COPG2: variants seen among roughly 807,000 people sequenced by gnomAD.
COPG2 encodes the protein coat protein complex I subunit gamma 2.
COPG2 carries 37 observed loss-of-function variants against 46.3 expected under a neutral mutation model. The ratio of observed to expected loss-of-function variants is 0.80; its 90% CI spans 0.61 to 1.05. COPG2 has a LOEUF of 1.05. COPG2 is among the 50% of genes least tolerant of loss of function. The probability of loss-of-function intolerance (pLI) is 0.00; values close to 1 mark genes in which losing one functional copy is unlikely to be tolerated. For synonymous variants in COPG2, 159 were observed against 129.7 expected, an observed-to-expected ratio of 1.23 and a Z score of -1.53; for missense variants, 427 against 387.8, an observed-to-expected ratio of 1.10 and a Z score of -0.85.
intron 9 of COPG2, among the ~76,000 whole-genome samples, chr7:130,566,891 T>A (rs915365893): frequency 6.6e-6 from 1 of 152,146 alleles, no homozygotes; most frequent in African/African-American, 2.4e-5. Context: ...ACAAGGGGCT[T>A]ACAAAATGGT....
intron 5 of COPG2, among the ~76,000 whole-genome samples, chr7:130,631,048 A>C (rs1053502722): frequency 2.6e-5 from 4 of 152,024 alleles, no homozygotes; most frequent in African/African-American, 9.7e-5. Context: ...TTTCCCTTTT[A>C]ATTGAAGTGT....
intron 20 of COPG2, among the ~76,000 whole-genome samples, chr7:130,532,260 C>T (rs953961397): frequency 2.6e-5 from 4 of 152,306 alleles, no homozygotes; most frequent in African/African-American, 2.4e-5. Context: ...GGGTTTCCAA[C>T]GCCTCGGTCC....
intron 20 of COPG2, among the ~76,000 whole-genome samples, chr7:130,518,826 A>C (rs1799700731): frequency 6.6e-6 from 1 of 152,094 alleles, no homozygotes; most frequent in South Asian, 2.1e-4. Context: ...CAACATGGAG[A>C]AACCCCGTCT....
chr7:130,590,447 G>T lies in COPG2; in HGVS notation c.737+20506C>A, dbSNP rs560294863. 4.6e-5 allele frequency among the ~76,000 whole-genome samples: 7 copies of T among 152,300 alleles called. 1 individual carries two copies. The East Asian group carries it at 7.7e-4, about 17-fold the overall frequency. Reference sequence around the variant, plus strand: ...GTTTTCGTATTTTTTTGGTGGAGACGGGGTTTCGCTGTGTTGGCCGGGCTG... The same window carrying T: ...GTTTTCGTATTTTTTTGGTGGAGACTGGGTTTCGCTGTGTTGGCCGGGCTG... On this transcript the variant is annotated intron_variant, in intron 9 of 23. Coordinates refer to ENST00000425248, the MANE Select transcript of COPG2 (RefSeq NM_012133.6).
intron 20 of COPG2, among the ~76,000 whole-genome samples, chr7:130,538,507 T>C (rs1799906225): frequency 2.0e-5 from 3 of 152,026 alleles, no homozygotes; most frequent in Admixed American, 2.0e-4. Flanking sequence ...GGCCAACCCA[T>C]AGGATTACGG....
chr7:130,582,540 T>C (rs1210156398), intron 9 of COPG2, among the ~76,000 whole-genome samples: 3 of 151,574 alleles, frequency 2.0e-5, no homozygotes, highest in South Asian at 2.1e-4. Context: ...CAAAAGAAAC[T>C]ACCATCAGAG....
intron 5 of COPG2, among the ~76,000 whole-genome samples, chr7:130,636,744 T>G (rs1384217199): frequency 6.6e-6 from 1 of 152,192 alleles, no homozygotes; most frequent in African/African-American, 2.4e-5. Flanking sequence ...TATTGTTATA[T>G]GTGAATTTGA....
intron 9 of COPG2, chr7:130,605,580 C>A: frequency 2.5e-6 from 1 of 397,250 alleles, no homozygotes; most frequent in Non-Finnish European, 5.0e-6. Flanking sequence ...AAAGAGAGGC[C>A]TTTAGTTGCT....
chr7:130,508,978 C>A, intron 20 of COPG2: 2 of 465,510 alleles, frequency 4.3e-6, no homozygotes, highest in Non-Finnish European at 8.3e-6. Context: ...TCAAAGGGGC[C>A]TAAATGTTGA....
intron 20 of COPG2, among the ~76,000 whole-genome samples, chr7:130,528,851 G>A (rs969511796): frequency 0.058 from 8,844 of 151,906 alleles, 329 homozygotes; most frequent in African/African-American, 0.1. Flanking sequence ...GGGAGGGAGC[G>A]GATGCAGAGA....
intron 9 of COPG2, among the ~76,000 whole-genome samples, chr7:130,579,875 G>C (rs1482973895): frequency 5.3e-5 from 8 of 152,286 alleles, no homozygotes; most frequent in African/African-American, 1.7e-4. Flanking sequence ...AAGAGACTTA[G>C]ACTCCCATAC....
chr7:130,608,652 T>G (rs1554451617), intron 9 of COPG2, among the ~76,000 whole-genome samples: 1 of 152,240 alleles, frequency 6.6e-6, no homozygotes, highest in Non-Finnish European at 1.5e-5. Context: ...TCCATTTTTC[T>G]AATGAGAAGT....
At chr7:130,558,085 G>A (rs1793660990) in intron 12 of COPG2, among the ~76,000 whole-genome samples, 1 of 151,736 alleles carries the variant, frequency 6.6e-6, no homozygotes, top group Admixed American at 6.6e-5. Flanking sequence ...GGGCAAAGAC[G>A]GTCTTAAAAA....
chr7:130,585,457 A>G (rs1305668426), intron 9 of COPG2, among the ~76,000 whole-genome samples: 1 of 152,066 alleles, frequency 6.6e-6, no homozygotes, highest in African/African-American at 2.4e-5. Flanking sequence ...AAAAACAGAG[A>G]TTAAATAGTT....
chr7:130,602,303 C>T (rs569425692), intron 9 of COPG2, among the ~76,000 whole-genome samples: 31 of 152,126 alleles, frequency 2.0e-4, no homozygotes, highest in East Asian at 1.7e-3. Flanking sequence ...CCATTTTCTT[C>T]GACATTTTGA....
chr7:130,507,867 A>G (rs782124368), intron 21 of COPG2, 44 bp from the exon 22 acceptor site: 1 of 773,070 alleles, frequency 1.3e-6, no homozygotes, highest in East Asian at 2.4e-5. Flanking sequence ...CCTTTCTGTT[A>G]TAGGGCAAAG....
intron 5 of COPG2, among the ~76,000 whole-genome samples, chr7:130,646,714 G>A (rs1398310530): frequency 2.0e-5 from 3 of 151,878 alleles, no homozygotes; most frequent in African/African-American, 7.3e-5. Flanking sequence ...TTTTGTGATA[G>A]TGAGTTCTCA....
intron 20 of COPG2, among the ~76,000 whole-genome samples, chr7:130,531,668 C>A (rs1799826711): frequency 3.3e-5 from 5 of 152,198 alleles, no homozygotes; most frequent in African/African-American, 1.2e-4. Context: ...TGGAGAGTGC[C>A]AGGCCTATTT....
chr7:130,615,586 G>A (rs1245371634), intron 6 of COPG2, among the ~76,000 whole-genome samples: 1 of 152,152 alleles, frequency 6.6e-6, no homozygotes, highest in South Asian at 2.1e-4. Flanking sequence ...AAAATTTCAT[G>A]TCAGGGAATT....
Sources: allele counts gnomAD v4.1 joint callset (sites outside exome capture counted in the v4.1 genomes callset), GRCh38; gene constraint gnomAD v4.1.1; transcripts MANE v1.5; gene names NCBI Gene and HGNC (gene_info 2026-07-23, HGNC 2026-07-21).